SUCO: variants seen among roughly 807,000 people sequenced by gnomAD.
SUCO encodes the protein SUN domain containing ossification factor.
A neutral mutation model predicts 148.1 loss-of-function variants in SUCO; 57 were observed. The observed-to-expected ratio is 0.38, with a 90% CI of 0.31 to 0.48. SUCO has a LOEUF of 0.48. Among genes scored for constraint, SUCO ranks in the 20% least tolerant of loss-of-function variants. The probability of loss-of-function intolerance (pLI) is 0.96; values close to 1 mark genes in which losing one functional copy is unlikely to be tolerated. For synonymous variants in SUCO, 470 were observed against 502.7 expected (o/e 0.93, Z 0.87); for missense variants, 1,331 against 1,468.2 (o/e 0.91, Z 1.53).
rs773557751 is a variant in SUCO at position 172,571,715 on chromosome 1, C to T, written c.1049+985C>T. On this transcript the variant is annotated intron_variant, in intron 9 of 23. Coordinates refer to ENST00000263688, the MANE Select transcript of SUCO (RefSeq NM_014283.5). ...GGGGAGCGCCTCTGCCCCGCCGCCC[C>T]GTCTGGGATGTGAGGAGCGCCTCTA... 4.1e-3 allele frequency among the ~76,000 whole-genome samples: 352 copies of T among 85,024 alleles called. 1 individual carries two copies. Among genetic ancestry groups the T allele is most frequent in the Non-Finnish European group, 6.2e-3 (273 of 44,058 alleles). 55.8% of individuals were successfully genotyped at this position (85,024 alleles called of 152,430 possible).
intron 6 of SUCO, chr1:172,568,246 C>T: frequency 2.2e-6 from 2 of 923,410 alleles, no homozygotes; most frequent in South Asian, 1.0e-4. Flanking sequence ...CATTTGGATT[C>T]CATGATTATT....
At chr1:172,535,644 T>G (rs1651957015) in intron 1 of SUCO, among the ~76,000 whole-genome samples, 2 of 152,224 alleles carry the variant, frequency 1.3e-5, no homozygotes, top group Admixed American at 1.3e-4. Flanking sequence ...ATAAAACGTT[T>G]GCAAGAGTTG....
At position 172,610,236 on chromosome 1, in the gene SUCO, A is replaced by G. The variant is rs1391404488; in HGVS notation, c.3742A>G (p.Thr1248Ala). 6.3e-7 allele frequency: 1 copy of G among 1,598,836 alleles called. No individual in the cohort carries two copies. Among genetic ancestry groups the G allele is most frequent in the South Asian group, 1.1e-5 (1 of 88,264 alleles). ...GATCACCGTGGGAACATTTGGTGTT[A>G]CAGCAGTCTCGGGACATATCTAAAA... ...KEITVGTFGV[T>A]AVSGHI Residue 1248 changes from threonine to alanine, a missense_variant, in exon 24 of 24, where the codon ACA becomes GCA. Around this residue, in one of 3 missense-constraint regions of SUCO, gnomAD observed 334 missense variants for 352.3 expected, o/e 0.95. Coordinates refer to ENST00000263688, the MANE Select transcript of SUCO (RefSeq NM_014283.5).
chr1:172,538,327 G>A (rs939574388), intron 1 of SUCO, among the ~76,000 whole-genome samples: 1 of 152,050 alleles, frequency 6.6e-6, no homozygotes, highest in Non-Finnish European at 1.5e-5. Context: ...AGTTTAAGAG[G>A]TTTATTTCCT....
At chr1:172,543,065 G>A (rs1241026404) in intron 1 of SUCO, 10 of 959,832 alleles carry the variant, frequency 1.0e-5, no homozygotes, top group Non-Finnish European at 1.2e-5. Flanking sequence ...AACATGTAGA[G>A]TAGCTTCATA....
At chr1:172,601,992 A>G (rs527489663) in intron 20 of SUCO, 72 bp from the exon 21 acceptor site, 8 of 1,403,718 alleles carry the variant, frequency 5.7e-6, no homozygotes, top group Non-Finnish European at 7.6e-6. Flanking sequence ...TTGTCCTTTG[A>G]ATTTTAGATA....
intron 1 of SUCO, among the ~76,000 whole-genome samples, chr1:172,549,404 T>A (rs1406289780): frequency 6.6e-6 from 1 of 151,864 alleles, no homozygotes; most frequent in Non-Finnish European, 1.5e-5. Context: ...CATTAATGTG[T>A]CTTTCTGGAA....
chr1:172,577,882 A>G, intron 13 of SUCO, 63 bp downstream of exon 13: 5 of 1,260,426 alleles, frequency 4.0e-6, no homozygotes, highest in African/African-American at 1.5e-5. Context: ...AATTTTCGAT[A>G]TATTTAAAGT....
intron 1 of SUCO, 113 bp downstream of exon 1, chr1:172,533,610 C>T: frequency 2.2e-6 from 3 of 1,338,734 alleles, no homozygotes; most frequent in Non-Finnish European, 2.0e-6. Context: ...TCCAAGGCCC[C>T]CGTGGAAGGG....
chr1:172,579,674 A>G (rs1655731713), intron 15 of SUCO, among the ~76,000 whole-genome samples: 3 of 152,072 alleles, frequency 2.0e-5, no homozygotes, highest in Admixed American at 2.0e-4. Context: ...ACCAATAAGA[A>G]TACTAGTAAT....
intron 20 of SUCO, 78 bp downstream of exon 20, chr1:172,600,246 A>G (rs1657413185): frequency 3.9e-6 from 4 of 1,020,410 alleles, no homozygotes; most frequent in East Asian, 2.8e-5. Context: ...TAACATGAAC[A>G]TGGTACCTAA....
At chr1:172,590,296 AT>A (rs1319017989) in intron 18 of SUCO, 5 of 980,844 alleles carry the variant, frequency 5.1e-6, no homozygotes, top group Middle Eastern at 5.2e-4. Flanking sequence ...TTTTAGTGGA[AT>A]TTGACCAGAT....
At position 172,557,210 on chromosome 1, in the gene SUCO, T is replaced by C. The variant is rs566374577; in HGVS notation, c.444-70T>C. ...TACATTATGTTTTGGAAATCACTAA[T>C]AGTGTTTTTAATGTATATTACCTCA... On this transcript the variant is annotated intron_variant, in intron 4 of 23. Transcript: ENST00000263688. 2.8e-5 allele frequency: 43 copies of C among 1,530,098 alleles called. No homozygotes were observed. The East Asian group carries it at 9.1e-4, about 32-fold the overall frequency. 94.8% of individuals were successfully genotyped at this position (1,530,098 alleles called of 1,614,324 possible). A position where few individuals can be genotyped will look rare whatever the true frequency, so the allele number is the denominator to read the frequency against.
intron 19 of SUCO, among the ~76,000 whole-genome samples, chr1:172,595,327 G>A (rs1571278813): frequency 6.6e-6 from 1 of 152,304 alleles, no homozygotes; most frequent in South Asian, 2.1e-4. Flanking sequence ...TCATTATGAT[G>A]TTAGCTGGTT....
At position 172,533,388 on chromosome 1, in the gene SUCO, T is replaced by G; in HGVS notation, c.-48T>G. The stretch of plus-strand genomic sequence containing the variant: ...CCATCTTGGCCTCGGCAGTGGCGGC[T>G]GCCGGGAGGATGTGCCGCCTTCTGG... On this transcript the variant is annotated 5_prime_UTR_variant, in exon 1 of 24. Coordinates refer to ENST00000263688, the MANE Select transcript of SUCO (RefSeq NM_014283.5). 1 of 1,551,698 alleles carries G rather than the reference T, an allele frequency of 6.4e-7. No homozygotes were observed. The highest frequency in any genetic ancestry group is 8.7e-7 in the Non-Finnish European group (1 of 1,147,098).
chr1:172,558,224 T>C (rs968512286), intron 6 of SUCO, among the ~76,000 whole-genome samples: 5 of 152,226 alleles, frequency 3.3e-5, no homozygotes, highest in African/African-American at 9.6e-5. Context: ...TACCTTTCAT[T>C]ATTTGTGTGC....
chr1:172,600,223 A>G, intron 20 of SUCO, 55 bp downstream of exon 20: 1 of 1,246,714 alleles, frequency 8.0e-7, no homozygotes, highest in Non-Finnish European at 1.1e-6. Context: ...GGTTGTCATA[A>G]AGCCAGGCTT....
At chr1:172,542,486 C>T (rs1339544451) in intron 1 of SUCO, among the ~76,000 whole-genome samples, 2 of 152,168 alleles carry the variant, frequency 1.3e-5, no homozygotes, top group African/African-American at 4.8e-5. Context: ...AGGACCCTGA[C>T]CTCACAACAG....
At chr1:172,573,092 A>T (rs1246186848) in intron 9 of SUCO, among the ~76,000 whole-genome samples, 1 of 152,210 alleles carries the variant, frequency 6.6e-6, no homozygotes, top group Admixed American at 6.5e-5. Context: ...ATAATAAACT[A>T]CATGTCAAAG....
Sources: allele counts gnomAD v4.1 joint callset (sites outside exome capture counted in the v4.1 genomes callset), GRCh38; gene constraint gnomAD v4.1.1; regional missense constraint gnomAD v4.1.1; transcripts MANE v1.5; gene names NCBI Gene and HGNC (gene_info 2026-07-23, HGNC 2026-07-21).